CASQ2: variants seen among roughly 807,000 people sequenced by gnomAD.
CASQ2 encodes calsequestrin-2.
CASQ2 carries 49 observed loss-of-function variants against 46.5 expected under a neutral mutation model. That is an observed-to-expected ratio of 1.05 (90% CI 0.84 to 1.34). CASQ2 has a LOEUF of 1.34. CASQ2 is among the 40% of genes most tolerant of loss of function. The pLI, the probability that CASQ2 is intolerant of heterozygous loss-of-function variation, is 0.00. For missense variants in CASQ2, 486 were observed against 481.3 expected, an observed-to-expected ratio of 1.01 and a Z score of -0.09; for synonymous variants, 174 against 168.5, an observed-to-expected ratio of 1.03 and a Z score of -0.25.
At chr1:115,744,676 C>CT in intron 2 of CASQ2, 152 bp downstream of exon 2, 1 of 673,012 alleles carries the variant, frequency 1.5e-6, no homozygotes, top group East Asian at 2.8e-5. Context: ...TTTTATGAAA[C>CT]TCTTCTCCAA....
intron 8 of CASQ2, among the ~76,000 whole-genome samples, chr1:115,716,112 T>A (rs1654693855): frequency 6.6e-6 from 1 of 152,208 alleles, no homozygotes; most frequent in African/African-American, 2.4e-5. Context: ...TTCCCTTGAC[T>A]TCTCTGGTTA....
chr1:115,740,286 T>TG (rs1348771485), intron 3 of CASQ2, among the ~76,000 whole-genome samples: 1 of 152,168 alleles, frequency 6.6e-6, no homozygotes, highest in African/African-American at 2.4e-5. Context: ...AGTGTGATAC[T>TG]GGGGGGCTGT....
intron 1 of CASQ2, among the ~76,000 whole-genome samples, chr1:115,760,477 A>T (rs1272990892): frequency 1.3e-5 from 2 of 152,186 alleles, no homozygotes; most frequent in African/African-American, 4.8e-5. Context: ...TCACAGGTGC[A>T]ATCATAACAC....
intron 7 of CASQ2, among the ~76,000 whole-genome samples, chr1:115,723,619 C>T (rs966185302): frequency 6.6e-6 from 1 of 151,898 alleles, no homozygotes; most frequent in African/African-American, 2.4e-5. Flanking sequence ...CTAACTGCAA[C>T]TTCTGCCTCC....
intron 8 of CASQ2, among the ~76,000 whole-genome samples, chr1:115,711,390 C>T (rs1370557615): frequency 6.6e-6 from 1 of 152,178 alleles, no homozygotes; most frequent in Non-Finnish European, 1.5e-5. Flanking sequence ...GGTTGCTTAA[C>T]CGCTCCCCTT....
In CASQ2 at chr1:115,744,197, C is replaced by T. The variant is rs10754347; in HGVS notation, c.319+631G>A. 1.5e-3 allele frequency among the ~76,000 whole-genome samples: 220 copies of T among 151,596 alleles called. 2 individuals carry two copies. Among genetic ancestry groups the T allele is most frequent in the Middle Eastern group, 6.8e-3 (2 of 294 alleles). ...AAAAAGAAAACCAGAGGAACTACCTCCATTCTCTCTCTTTGGGATTACAGG... is the reference window on the plus strand; with the variant it reads ...AAAAAGAAAACCAGAGGAACTACCTTCATTCTCTCTCTTTGGGATTACAGG... On this transcript the variant is annotated intron_variant, in intron 2 of 10. Transcript: ENST00000261448.
chr1:115,726,185 G>A (rs773840500), intron 6 of CASQ2, among the ~76,000 whole-genome samples: 4 of 152,142 alleles, frequency 2.6e-5, no homozygotes, highest in African/African-American at 7.2e-5. Context: ...GAACACACTC[G>A]TGTACATGCC....
At chr1:115,740,947 G>A in intron 2 of CASQ2, 119 bp from the exon 3 acceptor site, 1 of 716,186 alleles carries the variant, frequency 1.4e-6, no homozygotes, top group Non-Finnish European at 2.5e-6. Context: ...AGTGGAACTA[G>A]CATTAACCAA....
At chr1:115,726,676 G>T (rs1647602214) in intron 6 of CASQ2, among the ~76,000 whole-genome samples, 1 of 152,200 alleles carries the variant, frequency 6.6e-6, no homozygotes, top group Non-Finnish European at 1.5e-5. Flanking sequence ...ACTGGGCATG[G>T]TTATTGGTAT....
intron 7 of CASQ2, among the ~76,000 whole-genome samples, chr1:115,722,355 T>C (rs1422245987): frequency 6.6e-6 from 1 of 152,232 alleles, no homozygotes; most frequent in Non-Finnish European, 1.5e-5. Flanking sequence ...TCTTATTCAT[T>C]AAATGAAAAG....
chr1:115,715,167 G>A (rs565262557), intron 8 of CASQ2, among the ~76,000 whole-genome samples: 3 of 152,182 alleles, frequency 2.0e-5, no homozygotes, highest in Non-Finnish European at 4.4e-5. Flanking sequence ...TTTGATTATA[G>A]CTTGTAAACC....
chr1:115,729,602 A>G (rs1413530089), intron 5 of CASQ2, among the ~76,000 whole-genome samples: 1 of 152,214 alleles, frequency 6.6e-6, no homozygotes, highest in Non-Finnish European at 1.5e-5. Context: ...GTTGGAATAG[A>G]TTTCAACAAA....
At chr1:115,733,872 C>G (rs1647870988) in intron 4 of CASQ2, among the ~76,000 whole-genome samples, 1 of 152,284 alleles carries the variant, frequency 6.6e-6, no homozygotes, top group Non-Finnish European at 1.5e-5. Flanking sequence ...TGGGACCATG[C>G]AGAATTTACT....
chr1:115,760,899 C>T (rs183623218), intron 1 of CASQ2, among the ~76,000 whole-genome samples: 1 of 152,278 alleles, frequency 6.6e-6, no homozygotes, highest in East Asian at 1.9e-4. Context: ...TGAATTTCTT[C>T]AGTAGTAACT....
intron 1 of CASQ2, among the ~76,000 whole-genome samples, chr1:115,756,942 G>C (rs1227605666): frequency 1.3e-5 from 2 of 152,094 alleles, no homozygotes; most frequent in Non-Finnish European, 2.9e-5. Flanking sequence ...GTGACAGAGC[G>C]AGACTCTGTC....
chr1:115,732,783 G>C (rs1557794847), intron 5 of CASQ2, 118 bp downstream of exon 5: 3 of 765,080 alleles, frequency 3.9e-6, no homozygotes, highest in Non-Finnish European at 7.1e-6. Context: ...CCCTTCTAGA[G>C]AAAGAGGCAA....
chr1:115,703,131 T>G, intron 9 of CASQ2, 136 bp from the exon 10 acceptor site: 1 of 714,964 alleles, frequency 1.4e-6, no homozygotes, highest in Admixed American at 2.0e-5. Context: ...CTTAGCAAAT[T>G]GAAGACTTGG....
chr1:115,754,453 C>T (rs573280542), intron 1 of CASQ2, among the ~76,000 whole-genome samples: 6 of 152,266 alleles, frequency 3.9e-5, no homozygotes, highest in Non-Finnish European at 5.9e-5. Context: ...TTTAAAAAAG[C>T]ACTTACTGGG....
At chr1:115,713,283 G>A (rs981351798) in intron 8 of CASQ2, among the ~76,000 whole-genome samples, 1 of 152,168 alleles carries the variant, frequency 6.6e-6, no homozygotes, top group African/African-American at 2.4e-5. Flanking sequence ...CGGCTCTGGC[G>A]GGCACTTTGA....
Sources: gnomAD v4.1 joint callset for allele counts (sites outside exome capture counted in the v4.1 genomes callset) on GRCh38, gnomAD v4.1.1 for gene constraint, MANE v1.5 for transcripts, NCBI Gene and HGNC (gene_info 2026-07-23, HGNC 2026-07-21) for gene names.